Variants in CALN1 observed in about 807,000 individuals in gnomAD.
CALN1 encodes calcium-binding protein 8.
Under a neutral mutation model 30.6 loss-of-function variants are expected in CALN1, and 17 were observed. That is an observed-to-expected ratio of 0.56 (90% CI 0.38 to 0.83). The LOEUF (loss-of-function observed/expected upper bound fraction) is 0.83, where lower values mean the gene tolerates loss of function less well. Ranked by LOEUF, CALN1 falls within the 40% of genes least tolerant of loss-of-function variation. The pLI is 0.00. For synonymous variants in CALN1, 156 were observed against 131.4 expected (o/e 1.19, Z -1.28); for missense variants, 291 against 354.9 (o/e 0.82, Z 1.45).
intron 5 of CALN1, among the ~76,000 whole-genome samples, chr7:71,884,899 A>T (rs191355145): frequency 2.0e-5 from 3 of 152,338 alleles, no homozygotes; most frequent in Admixed American, 6.5e-5. Flanking sequence ...AATCCTAAAA[A>T]GATTAACTAA....
At chr7:72,399,754 G>T (rs1806214242) in intron 2 of CALN1, among the ~76,000 whole-genome samples, 1 of 152,134 alleles carries the variant, frequency 6.6e-6, no homozygotes, top group Non-Finnish European at 1.5e-5. Context: ...ATATAGCTTG[G>T]GTATTTGTCC....
chr7:72,297,756 A>T (rs1798966854), intron 2 of CALN1, among the ~76,000 whole-genome samples: 1 of 152,252 alleles, frequency 6.6e-6, no homozygotes, highest in African/African-American at 2.4e-5. Flanking sequence ...TTACGAAGTC[A>T]TAATATTCAT....
intron 2 of CALN1, among the ~76,000 whole-genome samples, chr7:72,362,501 C>T (rs1459201955): frequency 6.6e-6 from 1 of 152,166 alleles, no homozygotes. Context: ...GGGTACCACG[C>T]TATCTATAAA....
chr7:71,801,746 G>A (rs1787326542), intron 6 of CALN1, among the ~76,000 whole-genome samples: 1 of 152,066 alleles, frequency 6.6e-6, no homozygotes, highest in South Asian at 2.1e-4. Flanking sequence ...GGAGGCTGAG[G>A]TGGGTGGATC....
intron 5 of CALN1, among the ~76,000 whole-genome samples, chr7:71,891,132 G>A (rs1247561532): frequency 2.0e-5 from 3 of 151,912 alleles, no homozygotes; most frequent in East Asian, 3.9e-4. Context: ...AATTTTCATG[G>A]CTGTATAATA....
chr7:72,163,233 C>T (rs900053052), intron 3 of CALN1, among the ~76,000 whole-genome samples: 4 of 151,740 alleles, frequency 2.6e-5, no homozygotes, highest in Non-Finnish European at 5.9e-5. Flanking sequence ...AGAAAAATGC[C>T]GTAAAAGAGC....
At chr7:71,844,236 C>T (rs1175022503) in intron 5 of CALN1, among the ~76,000 whole-genome samples, 1 of 152,086 alleles carries the variant, frequency 6.6e-6, no homozygotes, top group African/African-American at 2.4e-5. Flanking sequence ...CCATCAGATG[C>T]CCCTGCCATC....
chr7:72,299,523 AT>A, intron 2 of CALN1, among the ~76,000 whole-genome samples: 1 of 152,260 alleles, frequency 6.6e-6, no homozygotes, highest in East Asian at 1.9e-4. Flanking sequence ...ACTTCTAAAC[AT>A]TATAAACGAT....
At chr7:72,006,947 T>C (rs972135233) in intron 5 of CALN1, among the ~76,000 whole-genome samples, 1 of 152,142 alleles carries the variant, frequency 6.6e-6, no homozygotes, top group African/African-American at 2.4e-5. Context: ...GTACTTTGCA[T>C]ACAGATTAAA....
At chr7:72,029,533 T>C (rs1204580373) in intron 4 of CALN1, among the ~76,000 whole-genome samples, 1 of 152,186 alleles carries the variant, frequency 6.6e-6, no homozygotes, top group Non-Finnish European at 1.5e-5. Flanking sequence ...CAGTGGGAGA[T>C]GATCACCAGA....
At chr7:71,819,191 A>G (rs1788448566) in intron 5 of CALN1, among the ~76,000 whole-genome samples, 2 of 151,410 alleles carry the variant, frequency 1.3e-5, no homozygotes, top group South Asian at 4.2e-4. Flanking sequence ...TATAATAACT[A>G]AAAATTTACT....
At chr7:72,441,462 G>A (rs1215287585) in intron 1 of CALN1, among the ~76,000 whole-genome samples, 2 of 152,000 alleles carry the variant, frequency 1.3e-5, no homozygotes, top group Non-Finnish European at 2.9e-5. Flanking sequence ...GTCGGGCATG[G>A]TGACATGCGC....
At chr7:72,336,965 C>T (rs1585530339) in intron 2 of CALN1, 2 of 985,120 alleles carry the variant, frequency 2.0e-6, no homozygotes, top group South Asian at 4.7e-5. Context: ...ACTCGGAGCG[C>T]GATCTGGGCG....
At chr7:72,360,381 C>G (rs183107375) in intron 2 of CALN1, among the ~76,000 whole-genome samples, 1 of 151,918 alleles carries the variant, frequency 6.6e-6, no homozygotes, top group African/African-American at 2.4e-5. Flanking sequence ...GCAGGATATA[C>G]GGCTGTTTTT....
intron 4 of CALN1, among the ~76,000 whole-genome samples, chr7:72,028,275 A>C (rs1029657959): frequency 4.7e-5 from 6 of 128,780 alleles, no homozygotes; most frequent in African/African-American, 8.4e-5. Flanking sequence ...AAGACCACCC[A>C]CCTCTGAAAC....
chr7:72,106,645 G>A (rs1422723126), intron 3 of CALN1, among the ~76,000 whole-genome samples: 4 of 141,036 alleles, frequency 2.8e-5, no homozygotes, highest in African/African-American at 1.1e-4. Context: ...GGAAGGGAGG[G>A]AGGGGGAAAA....
intron 3 of CALN1, among the ~76,000 whole-genome samples, chr7:72,169,458 T>TACA (rs1413478532): frequency 2.7e-5 from 4 of 150,400 alleles, no homozygotes; most frequent in African/African-American, 9.8e-5. Flanking sequence ...TAGCTAGGAC[T>TACA]ACAGGTGCAT....
At chr7:72,431,856 A>C (rs1433837878) in intron 1 of CALN1, among the ~76,000 whole-genome samples, 7 of 151,744 alleles carry the variant, frequency 4.6e-5, no homozygotes, top group Admixed American at 4.6e-4. Context: ...AAAAAAAAAA[A>C]AAAAAACTAA....
intron 3 of CALN1, among the ~76,000 whole-genome samples, chr7:72,145,010 G>C (rs146425597): frequency 0.011 from 1,707 of 152,202 alleles, 87 homozygotes; most frequent in Admixed American, 0.084. Context: ...ATGCCCACAA[G>C]AGAAAGCAGG....
Sources: allele counts gnomAD v4.1 joint callset (sites outside exome capture counted in the v4.1 genomes callset), GRCh38; gene constraint gnomAD v4.1.1; transcripts MANE v1.5; gene names NCBI Gene and HGNC (gene_info 2026-07-23, HGNC 2026-07-21).